WASF1: variants seen among roughly 807,000 people sequenced by gnomAD.
WASF1 encodes WASP family member 1, also known as actin-binding protein WASF1.
A neutral mutation model predicts 50.5 loss-of-function variants in WASF1; 7 were observed. The observed-to-expected ratio is 0.14, with a 90% CI of 0.08 to 0.26. WASF1 has a LOEUF of 0.26. Ranked by LOEUF, WASF1 falls within the 10% of genes least tolerant of loss-of-function variation. WASF1 has a pLI of 1.00. For missense variants in WASF1, 470 were observed against 694.7 expected (o/e 0.68, Z 3.64); for synonymous variants, 205 against 244.0 (o/e 0.84, Z 1.49).
At chr6:110,168,670 G>A (rs1370792309) in intron 2 of WASF1, among the ~76,000 whole-genome samples, 5 of 151,920 alleles carry the variant, frequency 3.3e-5, no homozygotes, top group Non-Finnish European at 5.9e-5. Context: ...CATCTCTCTC[G>A]AGTACTCCAC....
intron 4 of WASF1, among the ~76,000 whole-genome samples, chr6:110,123,947 G>C (rs940851545): frequency 2.0e-5 from 3 of 152,070 alleles, no homozygotes; most frequent in Non-Finnish European, 2.9e-5. Flanking sequence ...AATCCCAGTG[G>C]TTGTTAATGA....
At position 110,118,417 on chromosome 6, in the gene WASF1, T is replaced by G. The variant is rs1485349600; in HGVS notation, c.134-4957A>C. Among the ~76,000 whole-genome samples the G allele has an allele frequency of 2.3e-5, 3 of 130,974 alleles. No individual in the cohort carries two copies. In the Admixed American group the frequency reaches 2.3e-4, roughly 10 times the overall value. The allele number at this position is 130,974 out of a possible 152,430, so 85.9% of individuals were successfully genotyped here. A position where few individuals can be genotyped will look rare whatever the true frequency, so the allele number is the denominator to read the frequency against. ...TCCTAGTCTCTGATAAAACAGACTT[T>G]AAACCAACAAAGATCAAAAGAGACA... is the stretch of plus-strand genomic sequence containing the variant. On this transcript the variant is annotated intron_variant, in intron 4 of 10. Transcript: ENST00000392589.
chr6:110,170,999 T>A (rs945406253), intron 2 of WASF1, among the ~76,000 whole-genome samples: 9 of 152,096 alleles, frequency 5.9e-5, no homozygotes, highest in Non-Finnish European at 4.4e-5. Flanking sequence ...GCTAGAGATA[T>A]CAACATCCTT....
intron 4 of WASF1, among the ~76,000 whole-genome samples, chr6:110,120,924 C>G (rs1483765061): frequency 6.6e-6 from 1 of 152,016 alleles, no homozygotes; most frequent in South Asian, 2.1e-4. Context: ...CTGACAAAAA[C>G]AAGAAATGGG....
chr6:110,142,463 T>A (rs528693955), intron 3 of WASF1, among the ~76,000 whole-genome samples: 6 of 152,310 alleles, frequency 3.9e-5, no homozygotes, highest in Non-Finnish European at 8.8e-5. Flanking sequence ...TGATTTCTAA[T>A]GTCATTTATC....
intron 4 of WASF1, 107 bp downstream of exon 4, chr6:110,127,362 T>G: frequency 1.0e-6 from 1 of 975,674 alleles, no homozygotes; most frequent in Non-Finnish European, 1.4e-6. Context: ...AATTTTGTAC[T>G]CTTCTCACCA....
At chr6:110,150,434 C>G (rs773974689) in intron 3 of WASF1, among the ~76,000 whole-genome samples, 1 of 152,104 alleles carries the variant, frequency 6.6e-6, no homozygotes, top group Non-Finnish European at 1.5e-5. Flanking sequence ...CAGCTAGCCA[C>G]AAGTTGCTAA....
In WASF1 at chr6:110,107,070, G is replaced by A. The variant is rs1488247070; in HGVS notation, c.540+7C>T. On this transcript the variant is annotated splice_region_variant and intron_variant, in intron 7 of 10. Coordinates refer to ENST00000392589, the MANE Select transcript of WASF1 (RefSeq NM_003931.3). ...ATTAACCTCAATTTTTTAATCTCTT[G>A]TAATACCTTCTGCTTCCTCTTTTCC... is the stretch of plus-strand genomic sequence containing the variant. The A allele has an allele frequency of 2.5e-6, 4 of 1,576,686 alleles. No individual in the cohort carries two copies. Among genetic ancestry groups the A allele is most frequent in the Non-Finnish European group, 2.6e-6 (3 of 1,156,580 alleles).
At chr6:110,119,246 CAGG>C (rs1343452426) in intron 4 of WASF1, among the ~76,000 whole-genome samples, 1 of 152,038 alleles carries the variant, frequency 6.6e-6, no homozygotes, top group Non-Finnish European at 1.5e-5. Context: ...TCAGTGAAAC[CAGG>C]AGCTGTTTTT....
intron 2 of WASF1, among the ~76,000 whole-genome samples, chr6:110,171,525 T>C (rs1465078541): frequency 1.3e-5 from 2 of 152,024 alleles, no homozygotes; most frequent in Non-Finnish European, 2.9e-5. Context: ...AAGTTGAAAA[T>C]ATCATGAAGT....
At chr6:110,112,765 T>A (rs1206876005) in intron 5 of WASF1, among the ~76,000 whole-genome samples, 1 of 151,760 alleles carries the variant, frequency 6.6e-6, no homozygotes, top group Non-Finnish European at 1.5e-5. Flanking sequence ...CCAGGCGTGG[T>A]GGCAGACACC....
chr6:110,122,098 T>C (rs546176587), intron 4 of WASF1, among the ~76,000 whole-genome samples: 1 of 152,202 alleles, frequency 6.6e-6, no homozygotes, highest in Admixed American at 6.5e-5. Flanking sequence ...GACGAGTTGA[T>C]GGGTGCAGCA....
intron 3 of WASF1, among the ~76,000 whole-genome samples, chr6:110,135,018 T>C (rs528126128): frequency 1.3e-5 from 2 of 152,208 alleles, no homozygotes; most frequent in African/African-American, 4.8e-5. Context: ...TGTTTCCATT[T>C]TGTTTGTGTT....
chr6:110,120,025 T>C (rs1157180629), intron 4 of WASF1, among the ~76,000 whole-genome samples: 1 of 152,190 alleles, frequency 6.6e-6, no homozygotes, highest in Non-Finnish European at 1.5e-5. Flanking sequence ...AAACTAGGTA[T>C]TGATGGAACA....
intron 2 of WASF1, among the ~76,000 whole-genome samples, chr6:110,172,769 T>C (rs1352831444): frequency 6.6e-6 from 1 of 152,086 alleles, no homozygotes; most frequent in Non-Finnish European, 1.5e-5. Flanking sequence ...TAATAGATAA[T>C]GGAGACTCTG....
At chr6:110,170,906 A>G (rs748297695) in intron 2 of WASF1, among the ~76,000 whole-genome samples, 5 of 152,156 alleles carry the variant, frequency 3.3e-5, no homozygotes, top group Non-Finnish European at 1.5e-5. Context: ...AATGATTCTT[A>G]ATGTATATGC....
intron 3 of WASF1, among the ~76,000 whole-genome samples, chr6:110,146,881 AAAG>A (rs2114569556): frequency 2.0e-5 from 3 of 152,178 alleles, no homozygotes; most frequent in African/African-American, 7.2e-5. Flanking sequence ...ATGAATCTCT[AAAG>A]GAGATTCATA....
At chr6:110,118,580 T>C (rs1313407456) in intron 4 of WASF1, among the ~76,000 whole-genome samples, 7 of 151,958 alleles carry the variant, frequency 4.6e-5, no homozygotes, top group African/African-American at 1.4e-4. Flanking sequence ...CTTAGACTTC[T>C]GCACAATAAT....
intron 4 of WASF1, among the ~76,000 whole-genome samples, chr6:110,120,865 C>G (rs944574935): frequency 6.6e-6 from 1 of 150,616 alleles, no homozygotes; most frequent in Non-Finnish European, 1.5e-5. Context: ...CAGAACAGAG[C>G]CCTCAGAAAT....
Sources: allele counts gnomAD v4.1 joint callset (sites outside exome capture counted in the v4.1 genomes callset), GRCh38; gene constraint gnomAD v4.1.1; transcripts MANE v1.5; gene names NCBI Gene and HGNC (gene_info 2026-07-23, HGNC 2026-07-21).